The following PKNOX2 variants were observed in gnomAD, a reference collection of about 807,000 sequenced individuals.
PKNOX2 encodes PBX/knotted 1 homeobox 2, also known as homeobox protein PKNOX2.
A neutral mutation model predicts 53.1 loss-of-function variants in PKNOX2; 14 were observed. The ratio of observed to expected loss-of-function variants is 0.26; its 90% CI spans 0.17 to 0.41. PKNOX2 has a LOEUF of 0.41. Ranked by LOEUF, PKNOX2 falls within the 10% of genes least tolerant of loss-of-function variation. The probability of loss-of-function intolerance (pLI) is 1.00; values close to 1 mark genes in which losing one functional copy is unlikely to be tolerated. For missense variants in PKNOX2, 496 were observed against 602.8 expected (o/e 0.82, Z 1.85); for synonymous variants, 257 against 242.8 (o/e 1.06, Z -0.54).
intron 2 of PKNOX2, among the ~76,000 whole-genome samples, chr11:125,328,334 GGA>G (rs1054437071): frequency 6.6e-5 from 10 of 151,732 alleles, no homozygotes; most frequent in African/African-American, 2.4e-4. Flanking sequence ...AGAGAGCGGG[GGA>G]GAGAGAGAGA....
chr11:125,243,646 A>T, intron 2 of PKNOX2, among the ~76,000 whole-genome samples: 1 of 144,656 alleles, frequency 6.9e-6, no homozygotes, highest in African/African-American at 2.6e-5. Flanking sequence ...TTTTTGAGAT[A>T]GGGTCTCGCT....
intron 1 of PKNOX2, among the ~76,000 whole-genome samples, chr11:125,167,597 C>T (rs997152118): frequency 6.6e-6 from 1 of 152,216 alleles, no homozygotes; most frequent in Non-Finnish European, 1.5e-5. Flanking sequence ...GCCCGACCAC[C>T]GCTCACAGTA....
chr11:125,318,221 C>T (rs947479862), intron 2 of PKNOX2, among the ~76,000 whole-genome samples: 3 of 152,090 alleles, frequency 2.0e-5, no homozygotes, highest in Non-Finnish European at 4.4e-5. Flanking sequence ...ATTATCCTGC[C>T]TCAGCCTCCT....
intron 3 of PKNOX2, among the ~76,000 whole-genome samples, chr11:125,350,344 T>G (rs1951227477): frequency 6.6e-6 from 1 of 152,064 alleles, no homozygotes; most frequent in African/African-American, 2.4e-5. Context: ...GATGGGGAAA[T>G]GATGGGGGCA....
At chr11:125,208,454 A>G (rs1939418905) in intron 1 of PKNOX2, among the ~76,000 whole-genome samples, 1 of 152,142 alleles carries the variant, frequency 6.6e-6, no homozygotes, top group Non-Finnish European at 1.5e-5. Context: ...ACTTTGCACT[A>G]GAAAAAATCT....
intron 1 of PKNOX2, among the ~76,000 whole-genome samples, chr11:125,168,961 G>A (rs957734655): frequency 5.3e-5 from 8 of 152,182 alleles, no homozygotes; most frequent in African/African-American, 1.9e-4. Flanking sequence ...CTAATCTCAG[G>A]CTTTTGTTCC....
chr11:125,351,681 G>T (rs893756231), intron 4 of PKNOX2, among the ~76,000 whole-genome samples: 2 of 152,132 alleles, frequency 1.3e-5, no homozygotes, highest in Non-Finnish European at 2.9e-5. Flanking sequence ...GCAGACAAGC[G>T]CAGCCAAGCC....
In PKNOX2 at chr11:125,165,711, C is replaced by T. The variant is rs985712003; in HGVS notation, c.-201+935C>T. 6.6e-6 allele frequency among the ~76,000 whole-genome samples: 1 copy of T among 152,152 alleles called. No individual in the cohort carries two copies. Among genetic ancestry groups the T allele is most frequent in the African/African-American group, 2.4e-5 (1 of 41,452 alleles). On this transcript the variant is annotated intron_variant, in intron 1 of 12. Transcript: ENST00000298282. The surrounding 1 kb of genome is among the most constrained non-coding windows in gnomAD (Gnocchi z 4.5). ...CCGGCTTTCCATGATTGCTGGGGAT[C>T]TTTGGTGAGGCGGGCGTAGGGGCCC...
intron 10 of PKNOX2, among the ~76,000 whole-genome samples, chr11:125,415,458 C>T (rs1955822704): frequency 6.6e-6 from 1 of 151,910 alleles, no homozygotes; most frequent in African/African-American, 2.4e-5. Context: ...ACCATGTTGC[C>T]CAGTCTGGTC....
At chr11:125,238,501 T>C (rs1368358821) in intron 2 of PKNOX2, among the ~76,000 whole-genome samples, 1 of 152,180 alleles carries the variant, frequency 6.6e-6, no homozygotes. Flanking sequence ...AGTAACAGAA[T>C]TGAAATTCAA....
chr11:125,221,000 A>G (rs111492988), intron 1 of PKNOX2, among the ~76,000 whole-genome samples: 1,970 of 152,226 alleles, frequency 0.013, 40 homozygotes, highest in African/African-American at 0.045. Context: ...CTAGAAATAC[A>G]AAAAATCAGC....
chr11:125,418,466 A>G (rs995834179), intron 10 of PKNOX2, among the ~76,000 whole-genome samples: 2 of 151,944 alleles, frequency 1.3e-5, no homozygotes, highest in African/African-American at 4.8e-5. Context: ...ATGCCCAGCT[A>G]TCCTTCCCCC....
At chr11:125,308,406 AC>A (rs1948598760) in intron 2 of PKNOX2, among the ~76,000 whole-genome samples, 1 of 152,128 alleles carries the variant, frequency 6.6e-6, no homozygotes, top group Non-Finnish European at 1.5e-5. Context: ...TCTGGGGAAG[AC>A]TCAGCGGGAG....
In PKNOX2 at chr11:125,432,176, T is replaced by C. The variant is rs1018691463; in HGVS notation, c.*784T>C. Reference sequence around the variant, plus strand: ...ATGGCAGACCCTGGGCTAGGAACCATATGGAGGTGACTTTGAGGCCACAGC... The same window carrying C: ...ATGGCAGACCCTGGGCTAGGAACCACATGGAGGTGACTTTGAGGCCACAGC... On this transcript the variant is annotated 3_prime_UTR_variant, in exon 13 of 13. Coordinates refer to ENST00000298282, the MANE Select transcript of PKNOX2 (RefSeq NM_001382323.2). 4 of 152,218 alleles carry C rather than the reference T, an allele frequency of 2.6e-5. No homozygotes were observed. Among genetic ancestry groups the C allele is most frequent in the African/African-American group, 9.7e-5 (4 of 41,438 alleles). The allele number at this position is 152,218 out of a possible 1,614,324, so 9.4% of individuals were successfully genotyped here. A position where few individuals can be genotyped will look rare whatever the true frequency, so the allele number is the denominator to read the frequency against.
At chr11:125,194,784 T>C (rs1957087460) in intron 1 of PKNOX2, among the ~76,000 whole-genome samples, 1 of 152,208 alleles carries the variant, frequency 6.6e-6, no homozygotes, top group Admixed American at 6.5e-5. Flanking sequence ...ATGGGAAAGA[T>C]GCTGCCGTCC....
intron 2 of PKNOX2, among the ~76,000 whole-genome samples, chr11:125,278,518 G>C (rs896265431): frequency 9.2e-5 from 14 of 152,210 alleles, no homozygotes; most frequent in Admixed American, 2.0e-4. Flanking sequence ...AGGCGAATGG[G>C]AAGTCTGATG....
In PKNOX2 at chr11:125,266,138, A is replaced by G. The variant is rs141668747; in HGVS notation, c.-130+31023A>G. Among the ~76,000 whole-genome samples the G allele has an allele frequency of 9.8e-5, 15 of 152,328 alleles. No individual in the cohort carries two copies. In the East Asian group the frequency reaches 2.9e-3, roughly 29 times the overall value. ...TCTCATCAGAGTTGAATGATATGAT[A>G]AATGTGACAATGGCTGGCTTGGAAG... On this transcript the variant is annotated intron_variant, in intron 2 of 12. Coordinates refer to ENST00000298282, the MANE Select transcript of PKNOX2 (RefSeq NM_001382323.2).
At chr11:125,316,137 T>C (rs1276141407) in intron 2 of PKNOX2, among the ~76,000 whole-genome samples, 2 of 152,180 alleles carry the variant, frequency 1.3e-5, no homozygotes, top group African/African-American at 2.4e-5. Flanking sequence ...GAAGGACGCA[T>C]GGAGGGAATG....
chr11:125,426,022 T>C (rs1956396979), intron 10 of PKNOX2, among the ~76,000 whole-genome samples: 1 of 152,238 alleles, frequency 6.6e-6, no homozygotes, highest in African/African-American at 2.4e-5. Flanking sequence ...GTGGCATTGC[T>C]TCTCATAGCT....
Sources: gnomAD v4.1 joint callset for allele counts (sites outside exome capture counted in the v4.1 genomes callset) on GRCh38, gnomAD v4.1.1 for gene constraint, Gnocchi (gnomAD v3.1) non-coding constraint, MANE v1.5 for transcripts, NCBI Gene and HGNC (gene_info 2026-07-23, HGNC 2026-07-21) for gene names.